Variants in MEMO1 observed in about 807,000 individuals in gnomAD.
The protein encoded by MEMO1 is protein MEMO1.
MEMO1 carries 6 observed loss-of-function variants against 45.2 expected under a neutral mutation model. The observed-to-expected ratio is 0.13, with a 90% confidence interval of 0.07 to 0.26. The LOEUF (loss-of-function observed/expected upper bound fraction) is 0.26. Ranked by LOEUF, MEMO1 falls within the 10% of genes least tolerant of loss-of-function variation. MEMO1 has a pLI of 1.00. For missense variants in MEMO1, 184 were observed against 370.5 expected (o/e 0.50, Z 4.13); for synonymous variants, 78 against 124.3 (o/e 0.63, Z 2.48).
chr2:32,010,016 C>A (rs1379671599), intron 2 of MEMO1, among the ~76,000 whole-genome samples, 171 bp downstream of exon 2: 1 of 148,718 alleles, frequency 6.7e-6, no homozygotes, highest in African/African-American at 2.4e-5. Context: ...GTGGGGGAGG[C>A]GGCGAGGCCG....
chr2:31,953,019 G>A (rs1667005429), intron 2 of MEMO1, among the ~76,000 whole-genome samples: 1 of 152,022 alleles, frequency 6.6e-6, no homozygotes, highest in African/African-American at 2.4e-5. Context: ...CAATTTTTGT[G>A]TTATTATAAA....
intron 8 of MEMO1, among the ~76,000 whole-genome samples, chr2:31,877,085 C>T (rs1029513044): frequency 6.6e-6 from 1 of 152,160 alleles, no homozygotes; most frequent in African/African-American, 2.4e-5. Flanking sequence ...AGTTTCACTT[C>T]TCACCACCCT....
intron 6 of MEMO1, among the ~76,000 whole-genome samples, chr2:31,910,670 G>C (rs1680428843): frequency 6.6e-6 from 1 of 152,012 alleles, no homozygotes; most frequent in Non-Finnish European, 1.5e-5. Context: ...GACCAGCCTG[G>C]GCAGGATAGT....
chr2:31,896,537 G>T (rs928107633), intron 6 of MEMO1, among the ~76,000 whole-genome samples: 3 of 152,316 alleles, frequency 2.0e-5, no homozygotes, highest in Admixed American at 6.5e-5. Flanking sequence ...GCCAGATGGG[G>T]TTCACAGGCT....
At chr2:31,985,772 A>G (rs1179217248) in intron 2 of MEMO1, among the ~76,000 whole-genome samples, 1 of 152,256 alleles carries the variant, frequency 6.6e-6, no homozygotes, top group Non-Finnish European at 1.5e-5. Context: ...ATATGCATGT[A>G]ATGTTTAACT....
intron 8 of MEMO1, 133 bp from the exon 9 acceptor site, chr2:31,870,085 A>C (rs1673471753): frequency 1.4e-6 from 1 of 717,508 alleles, no homozygotes; most frequent in Admixed American, 4.2e-5. Flanking sequence ...AAACAGATTA[A>C]ATAAACCTTG....
At chr2:31,947,807 C>T (rs539784946) in intron 2 of MEMO1, among the ~76,000 whole-genome samples, 1 of 152,278 alleles carries the variant, frequency 6.6e-6, no homozygotes, top group East Asian at 1.9e-4. Flanking sequence ...AAACCAGACA[C>T]TAAATACGCA....
chr2:31,976,509 C>T (rs1016418770), intron 2 of MEMO1, among the ~76,000 whole-genome samples: 2 of 151,410 alleles, frequency 1.3e-5, no homozygotes, highest in Non-Finnish European at 2.9e-5. Context: ...ACCTGGGAGG[C>T]AGAGGTTGCA....
chr2:31,955,077 C>CA (rs1335748215), intron 2 of MEMO1, among the ~76,000 whole-genome samples: 2 of 151,564 alleles, frequency 1.3e-5, no homozygotes, highest in South Asian at 2.1e-4. Flanking sequence ...CCCATCTCCA[C>CA]AAAAAAATAC....
intron 2 of MEMO1, among the ~76,000 whole-genome samples, chr2:31,982,519 G>A (rs1670767473): frequency 1.3e-5 from 2 of 150,936 alleles, no homozygotes; most frequent in South Asian, 2.1e-4. Flanking sequence ...GAACCCAGGA[G>A]GCAGAGGTTG....
At chr2:31,892,430 T>C (rs1677114517) in intron 6 of MEMO1, among the ~76,000 whole-genome samples, 1 of 152,012 alleles carries the variant, frequency 6.6e-6, no homozygotes, top group South Asian at 2.1e-4. Flanking sequence ...TCTCAAAAAA[T>C]AAAAACAAGC....
intron 8 of MEMO1, among the ~76,000 whole-genome samples, chr2:31,871,327 A>G (rs917423441): frequency 4.6e-5 from 7 of 152,206 alleles, no homozygotes; most frequent in African/African-American, 1.7e-4. Context: ...GTGTAAAAGC[A>G]CCAAGAGTAA....
intron 6 of MEMO1, among the ~76,000 whole-genome samples, chr2:31,907,785 A>AC (rs1679979697): frequency 9.2e-6 from 1 of 108,906 alleles, no homozygotes; most frequent in Non-Finnish European, 1.9e-5. Flanking sequence ...ACCGTGTCTT[A>AC]AACACACACA....
chr2:31,990,717 A>G (rs889971309), intron 2 of MEMO1, among the ~76,000 whole-genome samples: 5 of 151,916 alleles, frequency 3.3e-5, no homozygotes, highest in Non-Finnish European at 7.4e-5. Context: ...AAAAGTAAGT[A>G]ACTTTTATAG....
chr2:31,997,107 T>C (rs1258366774), intron 2 of MEMO1, among the ~76,000 whole-genome samples: 1 of 152,020 alleles, frequency 6.6e-6, no homozygotes. Context: ...CCAGAACACA[T>C]TGAGGTCAGG....
chr2:31,968,119 A>G (rs377763314), intron 2 of MEMO1, among the ~76,000 whole-genome samples: 1 of 152,220 alleles, frequency 6.6e-6, no homozygotes, highest in African/African-American at 2.4e-5. Flanking sequence ...GAATAGAATT[A>G]GCTGCTGTGC....
chr2:31,982,870 T>C (rs1020826427), intron 2 of MEMO1, among the ~76,000 whole-genome samples: 1 of 152,046 alleles, frequency 6.6e-6, no homozygotes, highest in Non-Finnish European at 1.5e-5. Context: ...TACAGATAAG[T>C]ACAGGGAAAA....
At chr2:31,911,925 T>G (rs1407909375) in intron 6 of MEMO1, among the ~76,000 whole-genome samples, 1 of 152,052 alleles carries the variant, frequency 6.6e-6, no homozygotes, top group Non-Finnish European at 1.5e-5. Flanking sequence ...ACAGGCCTCA[T>G]GAGCAACCAC....
At chr2:31,891,829 T>C (rs896284153) in intron 7 of MEMO1, among the ~76,000 whole-genome samples, 163 bp downstream of exon 7, 1 of 152,170 alleles carries the variant, frequency 6.6e-6, no homozygotes, top group Non-Finnish European at 1.5e-5. Context: ...TGATCCTTTT[T>C]AAAGGATCAA....
Sources: gnomAD v4.1 joint callset for allele counts (sites outside exome capture counted in the v4.1 genomes callset) on GRCh38, gnomAD v4.1.1 for gene constraint, MANE v1.5 for transcripts, NCBI Gene and HGNC (gene_info 2026-07-23, HGNC 2026-07-21) for gene names.